The following EXD1 variants were observed in gnomAD, a reference collection of about 807,000 sequenced individuals.
EXD1 encodes piRNA biogenesis protein EXD1.
EXD1 carries 63 observed loss-of-function variants against 49.1 expected under a neutral mutation model. The observed-to-expected ratio is 1.28, with a 90% CI of 1.05 to 1.58. The LOEUF (loss-of-function observed/expected upper bound fraction) is 1.58, where lower values mean the gene tolerates loss of function less well. Ranked by LOEUF, EXD1 falls within the 40% of genes most tolerant of loss-of-function variation. The probability of loss-of-function intolerance (pLI) is 0.00; values close to 1 mark genes in which losing one functional copy is unlikely to be tolerated. For missense variants in EXD1, 748 were observed against 666.0 expected, an observed-to-expected ratio of 1.12 and a Z score of -1.36; for synonymous variants, 234 against 239.2, an observed-to-expected ratio of 0.98 and a Z score of 0.20.
At chr15:41,219,699 G>GA (rs1188253082) in intron 3 of EXD1, 131 bp downstream of exon 3, 1 of 693,944 alleles carries the variant, frequency 1.4e-6, no homozygotes, top group Admixed American at 3.0e-5. Context: ...AGTACCCACA[G>GA]AAGCAGTAAG....
intron 3 of EXD1, 42 bp downstream of exon 3, chr15:41,219,788 A>G: frequency 7.0e-7 from 1 of 1,431,150 alleles, no homozygotes; most frequent in Non-Finnish European, 9.5e-7. Flanking sequence ...TATTGGAATG[A>G]AATCTCAGTA....
chr15:41,216,441 GAT>G (rs2046999725), intron 5 of EXD1, among the ~76,000 whole-genome samples: 1 of 152,030 alleles, frequency 6.6e-6, no homozygotes, highest in Non-Finnish European at 1.5e-5. Context: ...AGACTAGCCT[GAT>G]CAACATGGAG....
rs1413905738 is a variant in EXD1, at chr15:41,201,248, C to A, written c.535-5211G>T. On this transcript the variant is annotated intron_variant, in intron 7 of 11. Transcript: ENST00000458580. ...TTTTTTTCCCTATAAGTCTAATACT[C>A]CAGGGAACACCATTTTAAGGTGAAT... 5.3e-5 allele frequency among the ~76,000 whole-genome samples: 8 copies of A among 152,106 alleles called. No homozygotes were observed. The East Asian group carries it at 1.5e-3, about 29-fold the overall frequency.
chr15:41,183,839 A>C lies in EXD1; in HGVS notation c.*92T>G. 1 of 1,297,344 alleles carries C rather than the reference A, an allele frequency of 7.7e-7. No individual in the cohort carries two copies. Among genetic ancestry groups the C allele is most frequent in the African/African-American group, 1.5e-5 (1 of 67,410 alleles). 80.4% of individuals were successfully genotyped at this position (1,297,344 alleles called of 1,614,324 possible). On this transcript the variant is annotated 3_prime_UTR_variant, in exon 12 of 12. Transcript: ENST00000458580. Reference sequence around the variant, plus strand: ...TCCCCTGTGACTGAAGCATTACTACATTTACAACATGAGAAACCTGGGCAC... The same window carrying C: ...TCCCCTGTGACTGAAGCATTACTACCTTTACAACATGAGAAACCTGGGCAC...
chr15:41,190,238 G>C (rs1172849101), intron 10 of EXD1, 110 bp from the exon 11 acceptor site: 1 of 1,119,292 alleles, frequency 8.9e-7, no homozygotes. Context: ...ACTCTGGGAG[G>C]CTGAGGCAGG....
chr15:41,208,051 A>T, intron 7 of EXD1, among the ~76,000 whole-genome samples: 1 of 151,472 alleles, frequency 6.6e-6, no homozygotes, highest in African/African-American at 2.4e-5. Context: ...AAAAGAAAGG[A>T]CAGCTGTAGA....
At chr15:41,218,252 A>G (rs2047031408) in intron 3 of EXD1, among the ~76,000 whole-genome samples, 1 of 152,096 alleles carries the variant, frequency 6.6e-6, no homozygotes, top group African/African-American at 2.4e-5. Flanking sequence ...TGGGAGGGTG[A>G]GGGGGGTGAA....
intron 6 of EXD1, among the ~76,000 whole-genome samples, chr15:41,214,091 C>T (rs1341381321): frequency 3.3e-5 from 5 of 152,074 alleles, no homozygotes; most frequent in South Asian, 2.1e-4. Flanking sequence ...GGCGTGAACC[C>T]GGGAGGTGGA....
chr15:41,211,284 T>A (rs1290949981), intron 6 of EXD1, among the ~76,000 whole-genome samples: 1 of 151,894 alleles, frequency 6.6e-6, no homozygotes, highest in Non-Finnish European at 1.5e-5. Context: ...GCTAATTTTT[T>A]GTATTTTTTG....
In EXD1 at chr15:41,184,234, T is replaced by C; in HGVS notation, c.1416A>G (p.Thr472=). ...SEDSSNKLIC[T]KSKGSEDQRI... ...TCTGGTCCTCTGACCCCTTTGACTT[T>C]GTGCAAATGAGTTTGTTACTGGAAT... Residue 472 remains threonine (T), a synonymous_variant, in exon 12 of 12, where the codon ACA becomes ACG. Coordinates refer to ENST00000458580, the MANE Select transcript of EXD1 (RefSeq NM_001286441.2). The C allele has an allele frequency of 6.2e-7, 1 of 1,614,214 alleles. No homozygotes were observed. Among genetic ancestry groups the C allele is most frequent in the South Asian group, 1.1e-5 (1 of 91,088 alleles).
At chr15:41,206,077 G>A (rs2046817761) in intron 7 of EXD1, among the ~76,000 whole-genome samples, 1 of 151,810 alleles carries the variant, frequency 6.6e-6, no homozygotes, top group Non-Finnish European at 1.5e-5. Context: ...AAGAGTGGGT[G>A]CAATAAAGGA....
At chr15:41,218,260 G>A (rs962930664) in intron 3 of EXD1, among the ~76,000 whole-genome samples, 2 of 152,026 alleles carry the variant, frequency 1.3e-5, no homozygotes, top group African/African-American at 4.8e-5. Flanking sequence ...TGAGGGGGGT[G>A]AATCATTTGA....
intron 3 of EXD1, among the ~76,000 whole-genome samples, 193 bp from the exon 4 acceptor site, chr15:41,217,347 G>A (rs1407942198): frequency 2.6e-5 from 4 of 152,106 alleles, no homozygotes; most frequent in Admixed American, 1.3e-4. Flanking sequence ...AAGACTCTCA[G>A]TATTCTATCC....
At chr15:41,189,127 A>G (rs1252080159) in intron 11 of EXD1, among the ~76,000 whole-genome samples, 1 of 151,890 alleles carries the variant, frequency 6.6e-6, no homozygotes, top group Non-Finnish European at 1.5e-5. Flanking sequence ...CAGCACTTTG[A>G]GAGGCCAAGG....
In EXD1 at chr15:41,215,765, C is replaced by T. The variant is rs1298785577; in HGVS notation, c.447+10G>A. The stretch of plus-strand genomic sequence containing the variant: ...AGGCAATACTAGTAATGATTGAGGA[C>T]AATACTTACCGCAGCACCAAACTTC... On this transcript the variant is annotated intron_variant, in intron 6 of 11. Transcript: ENST00000458580. 3 of 1,613,222 alleles carry T rather than the reference C, an allele frequency of 1.9e-6. No homozygotes were observed. Among genetic ancestry groups the T allele is most frequent in the Admixed American group, 1.7e-5 (1 of 59,988 alleles).
chr15:41,221,747 C>T (rs758389231), intron 2 of EXD1, among the ~76,000 whole-genome samples: 8 of 151,910 alleles, frequency 5.3e-5, no homozygotes, highest in African/African-American at 1.9e-4. Flanking sequence ...GTTGTCCTGA[C>T]ATTCATTTTT....
rs762178927 is a variant in EXD1 at position 41,191,588 on chromosome 15, G to A, written c.721-3C>T. ...GAAAACTGAAGTACATCTGCTACCT[G>A]TGGTATTTTAAAAAGACAAACAGAC... On this transcript the variant is annotated splice_polypyrimidine_tract_variant and splice_region_variant and intron_variant, in intron 9 of 11. Coordinates refer to ENST00000458580, the MANE Select transcript of EXD1 (RefSeq NM_001286441.2). 2.4e-5 allele frequency: 39 copies of A among 1,613,288 alleles called. No individual in the cohort carries two copies. The highest frequency in any genetic ancestry group is 1.7e-5 in the Admixed American group (1 of 59,834).
intron 7 of EXD1, among the ~76,000 whole-genome samples, chr15:41,208,744 T>C (rs947090324): frequency 3.9e-5 from 6 of 151,982 alleles, no homozygotes; most frequent in African/African-American, 1.4e-4. Context: ...AGCAAGACTT[T>C]GTCTCAAAAT....
Position 41,209,498 on chromosome 15 carries a change from C to A in EXD1, c.534+3G>T. 2 of 1,611,688 alleles carry A rather than the reference C, an allele frequency of 1.2e-6. No individual in the cohort carries two copies. Among genetic ancestry groups the A allele is most frequent in the African/African-American group, 1.3e-5 (1 of 74,916 alleles). ...AAATAAAAAGTTTTCAAAAATCTTT[C>A]ACCTGCAGCCAGCACAGTTTGCCAT... On this transcript the variant is annotated splice_donor_region_variant and intron_variant, in intron 7 of 11. Coordinates refer to ENST00000458580, the MANE Select transcript of EXD1 (RefSeq NM_001286441.2).
Sources: allele counts gnomAD v4.1 joint callset (sites outside exome capture counted in the v4.1 genomes callset), GRCh38; gene constraint gnomAD v4.1.1; transcripts MANE v1.5; gene names NCBI Gene and HGNC (gene_info 2026-07-23, HGNC 2026-07-21).